The following GALNT13 variants were observed in gnomAD, a reference collection of about 807,000 sequenced individuals.
The protein encoded by GALNT13 is UDP-GalNAc:polypeptide N-acetylgalactosaminyltransferase 13.
In GALNT13, 28 loss-of-function variants were observed where a neutral mutation model predicts 64.2. The ratio of observed to expected loss-of-function variants is 0.44; its 90% CI spans 0.32 to 0.60. The LOEUF (loss-of-function observed/expected upper bound fraction) is 0.60, where lower values mean the gene tolerates loss of function less well. Ranked by LOEUF, GALNT13 falls within the 20% of genes least tolerant of loss-of-function variation. GALNT13 has a pLI of 0.05. For synonymous variants in GALNT13, 214 were observed against 224.6 expected (o/e 0.95, Z 0.42); for missense variants, 577 against 669.8 (o/e 0.86, Z 1.53).
At chr2:154,238,502 A>G (rs1293308431) in intron 4 of GALNT13, among the ~76,000 whole-genome samples, 1 of 152,038 alleles carries the variant, frequency 6.6e-6, no homozygotes, top group Non-Finnish European at 1.5e-5. Context: ...CTTCCCACAG[A>G]TGGAACATTA....
intron 3 of GALNT13, among the ~76,000 whole-genome samples, chr2:154,015,439 A>G (rs1171609683): frequency 1.3e-5 from 2 of 152,206 alleles, no homozygotes; most frequent in Non-Finnish European, 2.9e-5. Context: ...GGATTCTGCC[A>G]CTATATCAAT....
chr2:154,064,635 G>T (rs531026029), intron 3 of GALNT13, among the ~76,000 whole-genome samples: 1 of 152,176 alleles, frequency 6.6e-6, no homozygotes, highest in South Asian at 2.1e-4. Flanking sequence ...TGGGCCAGAA[G>T]ATTACCCACT....
At chr2:153,119,882 G>C in the GALNT13 span, among the ~76,000 whole-genome samples, 17 of 152,144 alleles carry the variant, frequency 1.1e-4, no homozygotes, top group African/African-American at 4.1e-4. Flanking sequence ...TACGTTTTCT[G>C]GCTTCCCTTC....
the GALNT13 span, among the ~76,000 whole-genome samples, chr2:153,222,594 C>T: frequency 5.9e-5 from 9 of 152,160 alleles, no homozygotes; most frequent in African/African-American, 1.7e-4. Flanking sequence ...TGGTCCACTG[C>T]GCCCAGGCTG....
chr2:154,304,466 T>A (rs1347160304), intron 9 of GALNT13, among the ~76,000 whole-genome samples: 1 of 152,216 alleles, frequency 6.6e-6, no homozygotes, highest in Non-Finnish European at 1.5e-5. Flanking sequence ...TATGTGTGAT[T>A]GCATGCAATG....
chr2:153,877,245 A>G (rs1476632488), intron 1 of GALNT13, among the ~76,000 whole-genome samples: 3 of 152,140 alleles, frequency 2.0e-5, no homozygotes, highest in Non-Finnish European at 4.4e-5. Context: ...TGTGCAAGAT[A>G]TATCATGTTA....
At chr2:153,274,684 C>T in the GALNT13 span, among the ~76,000 whole-genome samples, 3 of 152,176 alleles carry the variant, frequency 2.0e-5, no homozygotes, top group Admixed American at 6.5e-5. Flanking sequence ...CTGTCAAAAG[C>T]TCCTGGTCTT....
chr2:153,630,678 TAAAAA>T, the GALNT13 span, among the ~76,000 whole-genome samples: 7 of 127,254 alleles, frequency 5.5e-5, no homozygotes, highest in African/African-American at 2.0e-4. Flanking sequence ...ATTAAAAAAT[TAAAAA>T]AAATTAAAAA....
intron 8 of GALNT13, among the ~76,000 whole-genome samples, chr2:154,288,811 T>C (rs1021854830): frequency 2.0e-5 from 3 of 152,190 alleles, no homozygotes; most frequent in African/African-American, 7.2e-5. Context: ...CTCCACTCCT[T>C]ACTGCTTTCA....
the GALNT13 span, among the ~76,000 whole-genome samples, chr2:153,855,714 C>A: frequency 6.6e-6 from 1 of 152,020 alleles, no homozygotes; most frequent in Non-Finnish European, 1.5e-5. Flanking sequence ...ACCATATAAC[C>A]CAGCAATTTC....
the GALNT13 span, chr2:153,187,362 G>A: frequency 6.6e-6 from 1 of 152,308 alleles, no homozygotes; most frequent in African/African-American, 2.4e-5. Flanking sequence ...TGCAGAAAAT[G>A]TGGTTCATGG....
chr2:153,807,387 A>AT, the GALNT13 span, among the ~76,000 whole-genome samples: 3 of 151,906 alleles, frequency 2.0e-5, no homozygotes, highest in Non-Finnish European at 4.4e-5. Flanking sequence ...TCTAAGCTAC[A>AT]TTTTCTATTA....
chr2:154,289,928 G>A (rs1028241885), intron 8 of GALNT13, among the ~76,000 whole-genome samples: 12 of 152,320 alleles, frequency 7.9e-5, no homozygotes, highest in African/African-American at 2.6e-4. Context: ...TTTGAGTCTA[G>A]TGAGAGAGAT....
intron 3 of GALNT13, among the ~76,000 whole-genome samples, chr2:154,025,028 G>T (rs144957849): frequency 6.6e-6 from 1 of 152,186 alleles, no homozygotes; most frequent in Admixed American, 6.5e-5. Context: ...AACCACAGAT[G>T]CTGCTGCCTG....
At chr2:153,675,838 C>A in the GALNT13 span, among the ~76,000 whole-genome samples, 1 of 152,178 alleles carries the variant, frequency 6.6e-6, no homozygotes, top group South Asian at 2.1e-4. Context: ...ATACAACTTA[C>A]CAAAATTTTT....
At chr2:153,582,344 T>C in the GALNT13 span, among the ~76,000 whole-genome samples, 2 of 152,078 alleles carry the variant, frequency 1.3e-5, no homozygotes, top group Non-Finnish European at 1.5e-5. Context: ...TTTTTTTCCA[T>C]GTAAAAAATT....
the GALNT13 span, among the ~76,000 whole-genome samples, chr2:153,450,324 T>G: frequency 6.6e-6 from 1 of 152,192 alleles, no homozygotes; most frequent in African/African-American, 2.4e-5. Flanking sequence ...CTCATATTTC[T>G]TTTTTCCTCC....
At chr2:154,174,873 T>C (rs908418691) in intron 4 of GALNT13, among the ~76,000 whole-genome samples, 2 of 152,160 alleles carry the variant, frequency 1.3e-5, no homozygotes, top group Admixed American at 1.3e-4. Flanking sequence ...ATAATAAACA[T>C]TTTCAGTCTT....
the GALNT13 span, among the ~76,000 whole-genome samples, chr2:153,836,517 A>G: frequency 6.7e-6 from 1 of 148,404 alleles, no homozygotes; most frequent in Non-Finnish European, 1.5e-5. Context: ...TTTTTTTTAT[A>G]TTTATTATAC....
Sources: allele counts gnomAD v4.1 joint callset (sites outside exome capture counted in the v4.1 genomes callset), GRCh38; gene constraint gnomAD v4.1.1; transcripts MANE v1.5; gene names NCBI Gene and HGNC (gene_info 2026-07-23, HGNC 2026-07-21).